The following TENM3 variants were observed in gnomAD, a reference collection of about 807,000 sequenced individuals.
TENM3 encodes the protein teneurin-3.
In TENM3, 63 loss-of-function variants were observed where a neutral mutation model predicts 255.1. The observed-to-expected ratio is 0.25, with a 90% confidence interval of 0.20 to 0.30. TENM3 has a LOEUF of 0.30. Among genes scored for constraint, TENM3 ranks in the 10% least tolerant of loss-of-function variants. TENM3 has a pLI of 1.00. For synonymous variants in TENM3, 1,306 were observed against 1,322.3 expected (o/e 0.99, Z 0.27); for missense variants, 2,929 against 3,461.1 (o/e 0.85, Z 3.86).
chr4:182,691,375 T>C (rs2152595764), intron 12 of TENM3, among the ~76,000 whole-genome samples: 1 of 152,282 alleles, frequency 6.6e-6, no homozygotes, highest in Non-Finnish European at 1.5e-5. Context: ...GAAAGAGAAA[T>C]GGAGGAGAAA....
intron 13 of TENM3, among the ~76,000 whole-genome samples, chr4:182,725,952 C>T (rs1004578104): frequency 1.3e-5 from 2 of 152,066 alleles, no homozygotes; most frequent in African/African-American, 2.4e-5. Context: ...TTTCTTAAAA[C>T]ATGATTTTAG....
intron 3 of TENM3, among the ~76,000 whole-genome samples, chr4:182,471,430 G>C (rs935807578): frequency 6.6e-5 from 10 of 152,294 alleles, no homozygotes; most frequent in South Asian, 2.1e-4. Context: ...TAGGCTGTAT[G>C]GTATAGCCTG....
At chr4:181,515,360 T>A in the TENM3 span, among the ~76,000 whole-genome samples, 5 of 141,974 alleles carry the variant, frequency 3.5e-5, no homozygotes, top group Non-Finnish European at 8.2e-5. Context: ...TCATTGTCCT[T>A]CTCCTTTGCG....
At chr4:182,053,265 T>G in the TENM3 span, among the ~76,000 whole-genome samples, 1 of 152,196 alleles carries the variant, frequency 6.6e-6, no homozygotes, top group Non-Finnish European at 1.5e-5. Context: ...ATTATCTCAT[T>G]TGTTTCTAAC....
At chr4:182,362,432 G>A (rs1766077507) in intron 3 of TENM3, among the ~76,000 whole-genome samples, 2 of 151,220 alleles carry the variant, frequency 1.3e-5, no homozygotes, top group South Asian at 2.1e-4. Flanking sequence ...AATGGTGGTC[G>A]CCCCTCCCCC....
chr4:182,657,148 A>G (rs1753825748), intron 6 of TENM3, among the ~76,000 whole-genome samples: 1 of 152,164 alleles, frequency 6.6e-6, no homozygotes, highest in African/African-American at 2.4e-5. Context: ...TTACTTTGTA[A>G]CCTTCAGCAT....
intron 3 of TENM3, among the ~76,000 whole-genome samples, chr4:182,389,691 C>T (rs77727265): frequency 1.3e-4 from 17 of 133,196 alleles, no homozygotes; most frequent in Non-Finnish European, 1.4e-4. Context: ...GTAGATGACT[C>T]TTTTTTTTTT....
chr4:182,799,788 G>A lies in TENM3; in HGVS notation c.7537G>A (p.Val2513Met), dbSNP rs757147010. The A allele has an allele frequency of 1.2e-6, 2 of 1,601,154 alleles. No homozygotes were observed. Among genetic ancestry groups the A allele is most frequent in the South Asian group, 1.1e-5 (1 of 88,628 alleles). Reference sequence around the variant, plus strand: ...CAGCCAGGGCCGCGTGCAGACCAACGTGCTCAACATCGCCAACGAGGACTG... The same window carrying A: ...CAGCCAGGGCCGCGTGCAGACCAACATGCTCAACATCGCCAACGAGGACTG... ...AVSQGRVQTN[V>M]LNIANEDCIK... The change falls in exon 28 of 28, where the codon GTG becomes ATG. Residue 2513 changes from valine (V) to methionine (M), a missense_variant. By Grantham distance (21) the Val-to-Met change is conservative. Coordinates refer to ENST00000511685, the MANE Select transcript of TENM3 (RefSeq NM_001080477.4). The surrounding 1 kb of genome is among the most constrained non-coding windows in gnomAD (Gnocchi z 4.2).
the TENM3 span, among the ~76,000 whole-genome samples, chr4:181,534,350 C>A: frequency 6.6e-6 from 1 of 151,860 alleles, no homozygotes; most frequent in African/African-American, 2.4e-5. Context: ...TGGTCAAATA[C>A]ATTTACCAGC....
chr4:181,985,661 G>T, the TENM3 span, among the ~76,000 whole-genome samples: 55 of 152,138 alleles, frequency 3.6e-4, no homozygotes, highest in East Asian at 0.011. Context: ...TTAGCAAATC[G>T]AATTTTTGTC....
chr4:181,937,418 A>C, the TENM3 span, among the ~76,000 whole-genome samples: 3 of 152,204 alleles, frequency 2.0e-5, no homozygotes, highest in Non-Finnish European at 4.4e-5. Flanking sequence ...CTAGCGAGGG[A>C]AGAAGAGGGG....
chr4:181,611,420 C>T, the TENM3 span, among the ~76,000 whole-genome samples: 3 of 152,116 alleles, frequency 2.0e-5, no homozygotes, highest in Non-Finnish European at 4.4e-5. Flanking sequence ...TGTTGTCAGA[C>T]TTTTATTCCT....
At position 182,751,815 on chromosome 4, in the gene TENM3, T is replaced by C; in HGVS notation, c.3645T>C (p.His1215=). The part of the protein sequence containing the change: ...SVLELSSNPA[H]RYYLATDPVT... The stretch of plus-strand genomic sequence containing the variant: ...CTTTTCACAGCAGCAACCCAGCTCA[T>C]AGATACTACCTTGCAACGGATCCAG... Residue 1215 remains histidine (H), a synonymous_variant, in exon 20 of 28, where the codon CAT becomes CAC. Coordinates refer to ENST00000511685, the MANE Select transcript of TENM3 (RefSeq NM_001080477.4). 1 of 1,613,862 alleles carries C rather than the reference T, an allele frequency of 6.2e-7. No individual in the cohort carries two copies. Among genetic ancestry groups the C allele is most frequent in the Non-Finnish European group, 8.5e-7 (1 of 1,179,778 alleles).
At chr4:182,316,236 A>T (rs1030469824) in intron 1 of TENM3, among the ~76,000 whole-genome samples, 1 of 152,218 alleles carries the variant, frequency 6.6e-6, no homozygotes, top group Admixed American at 6.5e-5. Flanking sequence ...AAACAGTTAG[A>T]TCCTTCCTGG....
chr4:181,979,155 T>TATATATATATATA, the TENM3 span, among the ~76,000 whole-genome samples: 1 of 92,632 alleles, frequency 1.1e-5, no homozygotes, highest in African/African-American at 4.1e-5. Context: ...TATATATATA[T>TATATATATATATA]GACATCTTTG....
the TENM3 span, among the ~76,000 whole-genome samples, chr4:181,968,252 C>A: frequency 6.6e-6 from 1 of 152,200 alleles, no homozygotes; most frequent in African/African-American, 2.4e-5. Context: ...TGACCCAAAT[C>A]TGCACCTTCC....
the TENM3 span, among the ~76,000 whole-genome samples, chr4:181,791,136 A>G: frequency 6.6e-6 from 1 of 152,212 alleles, no homozygotes; most frequent in East Asian, 1.9e-4. Context: ...GGGGCTAGAT[A>G]ATTTGCTTGG....
At chr4:181,914,514 C>G in the TENM3 span, among the ~76,000 whole-genome samples, 3 of 152,076 alleles carry the variant, frequency 2.0e-5, no homozygotes, top group Middle Eastern at 3.2e-3. Context: ...AAACATATGA[C>G]AGTATTATAT....
At chr4:182,177,618 T>A (rs57146598) in intron 1 of TENM3, among the ~76,000 whole-genome samples, 31,740 of 128,776 alleles carry the variant, frequency 0.25, 5,035 homozygotes, top group African/African-American at 0.46. Context: ...ATATATATTT[T>A]TTTTTTTTTT....
Sources: allele counts gnomAD v4.1 joint callset (sites outside exome capture counted in the v4.1 genomes callset), GRCh38; gene constraint gnomAD v4.1.1; non-coding constraint Gnocchi (gnomAD v3.1); transcripts MANE v1.5; gene names NCBI Gene and HGNC (gene_info 2026-07-23, HGNC 2026-07-21).